The following SYT7 variants were observed in gnomAD, a reference collection of about 807,000 sequenced individuals.
SYT7 encodes synaptotagmin 7.
Under a neutral mutation model 75.1 loss-of-function variants are expected in SYT7, and 29 were observed. The ratio of observed to expected loss-of-function variants is 0.39; its 90% confidence interval spans 0.29 to 0.53. SYT7 has a LOEUF of 0.53. Ranked by LOEUF, SYT7 falls within the 20% of genes least tolerant of loss-of-function variation. The pLI is 0.77. For synonymous variants in SYT7, 376 were observed against 401.7 expected (o/e 0.94, Z 0.76); for missense variants, 693 against 953.2 (o/e 0.73, Z 3.59).
chr11:61,517,181 C>T lies in SYT7; in HGVS notation c.*1446G>A. The stretch of plus-strand genomic sequence containing the variant: ...TTGGAGGCTTTGTCACCAGCTGGGT[C>T]TTGTATCAATACCAGGACCAGCGTG... On this transcript the variant is annotated 3_prime_UTR_variant, in exon 13 of 13. Transcript: ENST00000539008. 2.5e-6 allele frequency: 1 copy of T among 398,344 alleles called. No individual in the cohort carries two copies. The highest frequency in any genetic ancestry group is 4.4e-6 in the Non-Finnish European group (1 of 226,002). 24.7% of individuals were successfully genotyped at this position (398,344 alleles called of 1,614,324 possible).
At position 61,517,146 on chromosome 11, in the gene SYT7, AC is replaced by A; in HGVS notation, c.*1480del. The A allele has an allele frequency of 2.5e-6, 1 of 397,286 alleles. No homozygotes were observed. The highest frequency in any genetic ancestry group is 3.6e-5 in the East Asian group (1 of 28,044). The allele number at this position is 397,286 out of a possible 1,614,324, so 24.6% of individuals were successfully genotyped here. ...GGGAATGTCAGGCCCAGGCTCGTGG[AC>A]CCCCAGGATTGGAGGCTTTGTCACC... is the stretch of plus-strand genomic sequence containing the variant. On this transcript the variant is annotated 3_prime_UTR_variant, in exon 13 of 13. Transcript: ENST00000539008.
chr11:61,561,379 C>T (rs1200693885), intron 1 of SYT7, among the ~76,000 whole-genome samples: 2 of 152,176 alleles, frequency 1.3e-5, no homozygotes, highest in African/African-American at 4.8e-5. Flanking sequence ...GGCTGCTGCC[C>T]CTCTACCCAG....
chr11:61,538,147 T>C lies in SYT7; in HGVS notation c.1061A>G (p.Lys354Arg). The C allele has an allele frequency of 6.5e-7, 1 of 1,535,998 alleles. No individual in the cohort carries two copies. Residue 354 changes from lysine to arginine, a missense_variant, in exon 7 of 13, where the codon AAG becomes AGG. Physicochemically the swap from Lys to Arg is conservative, Grantham distance 26. Transcript: ENST00000539008. ...AGGCCCTCGCCTGTGCTCGTACCTC[T>C]TGTCCCCCTGAGCGTTCTGGTTCTG... ...TQQNQNAQGD[K>R]RLPAGGKAVN...
At chr11:61,587,310 A>G in the SYT7 span, among the ~76,000 whole-genome samples, 2 of 152,076 alleles carry the variant, frequency 1.3e-5, no homozygotes, top group African/African-American at 4.8e-5. Context: ...CGAGTCTGGT[A>G]GTGTGGGGTG....
intron 2 of SYT7, among the ~76,000 whole-genome samples, chr11:61,554,395 T>C (rs1181778807): frequency 6.6e-6 from 1 of 151,768 alleles, no homozygotes; most frequent in Non-Finnish European, 1.5e-5. Context: ...ATCTGATGAG[T>C]TGATGCACAT....
At chr11:61,587,465 T>C in the SYT7 span, among the ~76,000 whole-genome samples, 2 of 152,244 alleles carry the variant, frequency 1.3e-5, no homozygotes, top group Non-Finnish European at 2.9e-5. Context: ...AAACTGAGGC[T>C]CTGAGAAGTC....
intron 1 of SYT7, among the ~76,000 whole-genome samples, chr11:61,573,412 C>T (rs997773509): frequency 6.6e-5 from 10 of 152,164 alleles, no homozygotes; most frequent in African/African-American, 1.7e-4. Context: ...GGCAGGGGTC[C>T]AGGCTGGCTG....
In SYT7 at chr11:61,527,985, C is replaced by T. The variant is rs1473973761; in HGVS notation, c.1401G>A (p.Lys467=). Residue 467 remains lysine, a synonymous_variant, in exon 9 of 13, where the codon AAG becomes AAA. Transcript: ENST00000539008. ...GCTTCACCTTGGTCTCCAGCTTGTG[C>T]TTCTTGTCGGGCAGCAGGTAGATCT... ...FVKIYLLPDK[K]HKLETKVKRK... is the part of the protein sequence containing the mutation. 1 of 1,614,146 alleles carries T rather than the reference C, an allele frequency of 6.2e-7. No homozygotes were observed. The highest frequency in any genetic ancestry group is 1.3e-5 in the African/African-American group (1 of 75,044).
chr11:61,539,437 G>A (rs1358164368), intron 6 of SYT7: 2 of 152,130 alleles, frequency 1.3e-5, no homozygotes, highest in Non-Finnish European at 1.5e-5. Context: ...CAGAGTCCGC[G>A]AGCGTTTTCT....
rs913325248 is a variant in SYT7 at position 61,517,041 on chromosome 11, C to G, written c.*1586G>C. 7.8e-6 allele frequency: 3 copies of G among 385,682 alleles called. No individual in the cohort carries two copies. The highest frequency in any genetic ancestry group is 6.2e-5 in the African/African-American group (3 of 48,338). The allele number at this position is 385,682 out of a possible 1,614,324, so 23.9% of individuals were successfully genotyped here. ...TCCCCTTCTTCTCTTTGGGGTGTCACAGGCCCATCCAGAGTGGAACTGGGG... is the reference window on the plus strand; with the variant it reads ...TCCCCTTCTTCTCTTTGGGGTGTCAGAGGCCCATCCAGAGTGGAACTGGGG... On this transcript the variant is annotated 3_prime_UTR_variant, in exon 13 of 13. Transcript: ENST00000539008.
chr11:61,547,327 AG>A lies in SYT7; in HGVS notation c.216-20del. On this transcript the variant is annotated intron_variant, in intron 3 of 12. Transcript: ENST00000539008. ...TAGATCACTGGAGGGGCAGAGAGAG[AG>A]GGGAGAAAACAGGGAGATACAAGAA... 6.5e-7 allele frequency: 1 copy of A among 1,534,728 alleles called. No individual in the cohort carries two copies. Among genetic ancestry groups the A allele is most frequent in the Non-Finnish European group, 8.7e-7 (1 of 1,146,136 alleles).
At chr11:61,535,220 TAGTC>T (rs2062834903) in intron 7 of SYT7, among the ~76,000 whole-genome samples, 2 of 151,874 alleles carry the variant, frequency 1.3e-5, no homozygotes. Flanking sequence ...CCAAGAAAGT[TAGTC>T]AGAGACGGGC....
Position 61,538,276 on chromosome 11 carries a change from G to A in SYT7, c.942-10C>T, listed in dbSNP as rs1306838308. The A allele has an allele frequency of 1.3e-6, 2 of 1,527,286 alleles. No individual in the cohort carries two copies. The highest frequency in any genetic ancestry group is 1.4e-5 in the African/African-American group (1 of 72,664). The allele number at this position is 1,527,286 out of a possible 1,614,324, so 94.6% of individuals were successfully genotyped here. On this transcript the variant is annotated splice_polypyrimidine_tract_variant and intron_variant, in intron 6 of 12. Transcript: ENST00000539008. The stretch of plus-strand genomic sequence containing the variant: ...CACCATCCGGCCTTCCCTGCCCGGG[G>A]AGGGCAGCCCACAGGCCAGGGTGAA...
Position 61,551,321 on chromosome 11 carries a change from A to C in SYT7, c.215+63T>G. On this transcript the variant is annotated intron_variant, in intron 3 of 12. Coordinates refer to ENST00000539008, the MANE Select transcript of SYT7 (RefSeq NM_001365809.2). The surrounding 1 kb of genome is among the most constrained non-coding windows in gnomAD (Gnocchi z 5.3). ...CAGGTCTGTGGGGCTGGGGGAGAGA[A>C]GGGGCTCCTCCCACCTGGGCTGCTT... 2.0e-6 allele frequency: 3 copies of C among 1,493,984 alleles called. No individual in the cohort carries two copies. The highest frequency in any genetic ancestry group is 2.8e-6 in the Non-Finnish European group (3 of 1,075,350). 92.5% of individuals were successfully genotyped at this position (1,493,984 alleles called of 1,614,324 possible).
intron 6 of SYT7, chr11:61,540,867 C>A: frequency 1.0e-6 from 1 of 985,488 alleles, no homozygotes; most frequent in Non-Finnish European, 1.2e-6. Flanking sequence ...CAAAACAAAC[C>A]GCCACCTGGA....
chr11:61,556,738 G>A (rs2063510790), intron 1 of SYT7, among the ~76,000 whole-genome samples: 1 of 152,180 alleles, frequency 6.6e-6, no homozygotes, highest in Non-Finnish European at 1.5e-5. Flanking sequence ...CTAGCCGGTC[G>A]TCTTGCTTCC....
chr11:61,525,264 G>A (rs974505232), intron 9 of SYT7, among the ~76,000 whole-genome samples: 3 of 152,188 alleles, frequency 2.0e-5, no homozygotes, highest in Non-Finnish European at 4.4e-5. Flanking sequence ...ATCATGATAT[G>A]CTCCTGCTTA....
rs1451114025 is a variant in SYT7, at chr11:61,523,030, T to C, written c.1956+45A>G. 6.2e-7 allele frequency: 1 copy of C among 1,604,320 alleles called. No homozygotes were observed. Among genetic ancestry groups the C allele is most frequent in the African/African-American group, 1.3e-5 (1 of 74,834 alleles). On this transcript the variant is annotated intron_variant, in intron 12 of 12. Coordinates refer to ENST00000539008, the MANE Select transcript of SYT7 (RefSeq NM_001365809.2). This position sits in a 1 kb window ranked among gnomAD's most constrained non-coding sequence, Gnocchi z 5.0. ...GCTGCTTCTTTTAAGGAACGGAGCC[T>C]CACTGGTGCCAGCAGGTGCACCACA...
At position 61,576,201 on chromosome 11, in the gene SYT7, C is replaced by A. The variant is rs1313462864; in HGVS notation, c.31+4589G>T. Among the ~76,000 whole-genome samples the A allele has an allele frequency of 1.3e-5, 2 of 152,242 alleles. No individual in the cohort carries two copies. The highest frequency in any genetic ancestry group is 4.8e-5 in the African/African-American group (2 of 41,456). On this transcript the variant is annotated intron_variant, in intron 1 of 12. Coordinates refer to ENST00000539008, the MANE Select transcript of SYT7 (RefSeq NM_001365809.2). This position sits in a 1 kb window ranked among gnomAD's most constrained non-coding sequence, Gnocchi z 4.1. ...TGGGTGAGACCAAAGCCCTGCCCTG[C>A]AGACACTAGTTGGACAGGGCCCAGC...
Sources: gnomAD v4.1 joint callset for allele counts (sites outside exome capture counted in the v4.1 genomes callset) on GRCh38, gnomAD v4.1.1 for gene constraint, Gnocchi (gnomAD v3.1) non-coding constraint, MANE v1.5 for transcripts, NCBI Gene and HGNC (gene_info 2026-07-23, HGNC 2026-07-21) for gene names.